Variants in RALGPS2 observed in about 807,000 individuals in gnomAD.
The protein encoded by RALGPS2 is Ral GEF with PH domain and SH3 binding motif 2.
RALGPS2 carries 43 observed loss-of-function variants against 86.8 expected under a neutral mutation model. That is an observed-to-expected ratio of 0.50 (90% confidence interval 0.39 to 0.64). The LOEUF (loss-of-function observed/expected upper bound fraction) is 0.64. Among genes scored for constraint, RALGPS2 ranks in the 30% least tolerant of loss-of-function variants. The pLI is 0.00. For synonymous variants in RALGPS2, 243 were observed against 231.3 expected, an observed-to-expected ratio of 1.05 and a Z score of -0.46; for missense variants, 536 against 694.6, an observed-to-expected ratio of 0.77 and a Z score of 2.57.
At chr1:178,861,871 T>C (rs1007247664) in intron 8 of RALGPS2, among the ~76,000 whole-genome samples, 1 of 152,156 alleles carries the variant, frequency 6.6e-6, no homozygotes, top group Non-Finnish European at 1.5e-5. Context: ...GTTTGTTTGT[T>C]GTTGTTGTAG....
At chr1:178,739,422 CAGA>C (rs1467706960) in intron 1 of RALGPS2, among the ~76,000 whole-genome samples, 2 of 152,166 alleles carry the variant, frequency 1.3e-5, no homozygotes, top group Non-Finnish European at 2.9e-5. Context: ...TAGCAGGTCA[CAGA>C]AGAAGAGGCT....
chr1:178,748,580 C>T (rs1235903006), intron 1 of RALGPS2, among the ~76,000 whole-genome samples: 1 of 149,604 alleles, frequency 6.7e-6, no homozygotes, highest in East Asian at 2.0e-4. Flanking sequence ...TGGCTGGGCA[C>T]GGTGGCTCAC....
At chr1:178,875,778 T>C (rs1342023135) in intron 8 of RALGPS2, among the ~76,000 whole-genome samples, 2 of 151,936 alleles carry the variant, frequency 1.3e-5, no homozygotes, top group South Asian at 2.1e-4. Context: ...AAAATATGTA[T>C]ACTGGCTCTG....
At chr1:178,902,282 G>A (rs945442744) in intron 18 of RALGPS2, 71 bp downstream of exon 18, 5 of 1,210,914 alleles carry the variant, frequency 4.1e-6, no homozygotes, top group Non-Finnish European at 4.9e-6. Context: ...ATGTATGTGT[G>A]TGTGTATACT....
chr1:178,824,587 T>TC (rs1655662825), intron 7 of RALGPS2, among the ~76,000 whole-genome samples: 3 of 152,052 alleles, frequency 2.0e-5, no homozygotes, highest in Admixed American at 2.0e-4. Context: ...GTCGGGCGGA[T>TC]CACAAGGTCA....
Position 178,784,428 on chromosome 1 carries a change from G to C in RALGPS2, c.68G>C (p.Ser23Thr). The change falls in exon 3 of 20, where the codon AGC (serine) becomes ACC (threonine). Residue 23 changes from serine to threonine, a missense_variant. Ser to Thr is a moderately conservative substitution (Grantham distance 58, BLOSUM62 1). Coordinates refer to ENST00000367635, the MANE Select transcript of RALGPS2 (RefSeq NM_152663.5). ...CTTTCACTTTAACAGAAAAGTAGCA[G>C]CTCTGAATCCTTAAGTGACAAAGGC... Reference protein sequence around the residue: ...IAATASEKSSSSESLSDKGSE... With the variant: ...IAATASEKSSTSESLSDKGSE... 1 of 1,600,098 alleles carries C rather than the reference G, an allele frequency of 6.2e-7. No individual in the cohort carries two copies. The highest frequency in any genetic ancestry group is 8.5e-7 in the Non-Finnish European group (1 of 1,171,198).
intron 18 of RALGPS2, 66 bp from the exon 19 acceptor site, chr1:178,906,710 C>G: frequency 7.7e-7 from 1 of 1,291,070 alleles, no homozygotes; most frequent in African/African-American, 1.5e-5. Context: ...TCATTATTAT[C>G]TGGCAGAATT....
At chr1:178,872,224 ACATCCTTTATTTAAAGTCTGAGCTT>A (rs1241880361) in intron 8 of RALGPS2, among the ~76,000 whole-genome samples, 1 of 152,188 alleles carries the variant, frequency 6.6e-6, no homozygotes, top group Non-Finnish European at 1.5e-5. Flanking sequence ...CTGTTGATCC[ACATCCTTTATTTAAAGTCTGAGCTT>A]ATTTTCTACC....
chr1:178,849,050 C>A (rs763150615), intron 8 of RALGPS2, among the ~76,000 whole-genome samples: 1 of 152,140 alleles, frequency 6.6e-6, no homozygotes, highest in Admixed American at 6.5e-5. Context: ...TGAGTACTTA[C>A]GAATGTCAAG....
chr1:178,904,704 ATG>A (rs1491218065), intron 18 of RALGPS2, among the ~76,000 whole-genome samples: 1 of 152,142 alleles, frequency 6.6e-6, no homozygotes, highest in Admixed American at 6.5e-5. Flanking sequence ...CCATTGGTCT[ATG>A]TGCCTATTTT....
At chr1:178,877,269 A>T (rs1659043873) in intron 8 of RALGPS2, among the ~76,000 whole-genome samples, 2 of 152,130 alleles carry the variant, frequency 1.3e-5, no homozygotes, top group East Asian at 3.8e-4. Flanking sequence ...GAAGACATTT[A>T]CAAAATAGCA....
rs1660921062 is a variant in RALGPS2, at chr1:178,919,664, A to G, written c.*3305A>G. Reference sequence around the variant, plus strand: ...AAACTGTATACCTTTACTACTGAAAACAAAACTATAGGGCATCATACTAAT... The same window carrying G: ...AAACTGTATACCTTTACTACTGAAAGCAAAACTATAGGGCATCATACTAAT... On this transcript the variant is annotated 3_prime_UTR_variant, in exon 20 of 20. Transcript: ENST00000367635. The G allele has an allele frequency of 6.6e-6, 1 of 152,016 alleles. No individual in the cohort carries two copies. The highest frequency in any genetic ancestry group is 2.4e-5 in the African/African-American group (1 of 41,438). 9.4% of individuals were successfully genotyped at this position (152,016 alleles called of 1,614,324 possible).
In RALGPS2 at chr1:178,751,146, T is replaced by TC. The variant is rs1335812643; in HGVS notation, c.-83-25529dup. On this transcript the variant is annotated intron_variant, in intron 1 of 19. Transcript: ENST00000367635. ...CACAGACACACACACCCTATGTCCC[T>TC]CCCCCCCAAACCCTTATGCTTTTTT... 4.6e-5 allele frequency among the ~76,000 whole-genome samples: 7 copies of TC among 151,778 alleles called. No individual in the cohort carries two copies. The South Asian group carries it at 6.3e-4, about 14-fold the overall frequency.
rs1249795879 is a variant in RALGPS2 at position 178,812,987 on chromosome 1, C to T, written c.387+1583C>T. Among the ~76,000 whole-genome samples the T allele has an allele frequency of 3.6e-5, 5 of 138,872 alleles. No homozygotes were observed. In the Admixed American group the frequency reaches 3.9e-4, roughly 11 times the overall value. The allele number at this position is 138,872 out of a possible 152,430, so 91.1% of individuals were successfully genotyped here. A position where few individuals can be genotyped will look rare whatever the true frequency, so the allele number is the denominator to read the frequency against. On this transcript the variant is annotated intron_variant, in intron 6 of 19. Coordinates refer to ENST00000367635, the MANE Select transcript of RALGPS2 (RefSeq NM_152663.5). ...GCGCTCTGTGGCCCAGGCTGGAGTG[C>T]AGTGGTGCGATCTCGGCTCACTGCA... is the stretch of plus-strand genomic sequence containing the variant.
chr1:178,745,865 C>T (rs2102031863), intron 1 of RALGPS2, among the ~76,000 whole-genome samples: 1 of 127,520 alleles, frequency 7.8e-6, no homozygotes, highest in Admixed American at 9.4e-5. Flanking sequence ...TTCTGTCGCT[C>T]AGGCTGGAGG....
intron 7 of RALGPS2, among the ~76,000 whole-genome samples, chr1:178,831,631 C>T (rs1656023981): frequency 6.7e-6 from 1 of 149,204 alleles, no homozygotes; most frequent in African/African-American, 2.5e-5. Flanking sequence ...CGCCCCGCCC[C>T]CCCCACCCCC....
chr1:178,747,098 T>G (rs1297575332), intron 1 of RALGPS2: 1 of 888,968 alleles, frequency 1.1e-6, no homozygotes, highest in African/African-American at 1.6e-5. Context: ...TTTTCTTATG[T>G]TCAGTAACAC....
chr1:178,755,237 C>T lies in RALGPS2; in HGVS notation c.-83-21445C>T, dbSNP rs575536537. On this transcript the variant is annotated intron_variant, in intron 1 of 19. Transcript: ENST00000367635. ...GGTACATGTGTAGTAGATTTGTTAC[C>T]TGGGTATATTGTGTTATGCTGAGGT... Among the ~76,000 whole-genome samples the T allele has an allele frequency of 2.2e-4, 33 of 151,788 alleles. No homozygotes were observed. The South Asian group carries it at 6.9e-3, about 32-fold the overall frequency.
intron 13 of RALGPS2, 68 bp downstream of exon 13, chr1:178,886,188 G>C: frequency 1.3e-6 from 2 of 1,512,708 alleles, no homozygotes; most frequent in Non-Finnish European, 1.8e-6. Context: ...AACTTGGCTG[G>C]AAAAAAACCC....
Sources: gnomAD v4.1 joint callset for allele counts (sites outside exome capture counted in the v4.1 genomes callset) on GRCh38, gnomAD v4.1.1 for gene constraint, MANE v1.5 for transcripts, NCBI Gene and HGNC (gene_info 2026-07-23, HGNC 2026-07-21) for gene names.